Variants in KDM2B observed in about 807,000 individuals in gnomAD.
The protein encoded by KDM2B is lysine-specific demethylase 2B.
A neutral mutation model predicts 150.0 loss-of-function variants in KDM2B; 26 were observed. That is an observed-to-expected ratio of 0.17 (90% CI 0.13 to 0.24). The LOEUF (loss-of-function observed/expected upper bound fraction) is 0.24, where lower values mean the gene tolerates loss of function less well. Ranked by LOEUF, KDM2B falls within the 10% of genes least tolerant of loss-of-function variation. The pLI, the probability that KDM2B is intolerant of heterozygous loss-of-function variation, is 1.00. For missense variants in KDM2B, 1,265 were observed against 1,816.9 expected (o/e 0.70, Z 5.52); for synonymous variants, 734 against 729.5 (o/e 1.01, Z -0.10).
At chr12:121,466,308 A>T (rs1479672137) in intron 12 of KDM2B, among the ~76,000 whole-genome samples, 7 of 152,036 alleles carry the variant, frequency 4.6e-5, no homozygotes, top group African/African-American at 1.7e-4. Context: ...TCCTGTTCCA[A>T]GTATTATTTT....
intron 11 of KDM2B, among the ~76,000 whole-genome samples, chr12:121,499,828 T>C (rs1397310044): frequency 1.3e-5 from 2 of 151,956 alleles, no homozygotes; most frequent in Non-Finnish European, 2.9e-5. Flanking sequence ...CACGCGTCTG[T>C]GGTCTTAGCT....
chr12:121,434,729 G>A (rs1038386681), intron 22 of KDM2B, among the ~76,000 whole-genome samples: 2 of 152,042 alleles, frequency 1.3e-5, no homozygotes, highest in South Asian at 4.1e-4. Flanking sequence ...AAGCCAAGGC[G>A]GGTGGATCAC....
chr12:121,560,805 G>A (rs193171255), intron 4 of KDM2B, among the ~76,000 whole-genome samples: 199 of 152,268 alleles, frequency 1.3e-3, no homozygotes, highest in Middle Eastern at 6.8e-3. Context: ...CCGGGGAGGA[G>A]GCAGGTAGCC....
chr12:121,443,629 C>A lies in KDM2B; in HGVS notation c.2565+51G>T, dbSNP rs1555289191. On this transcript the variant is annotated intron_variant, in intron 17 of 22. Transcript: ENST00000377071. ...CAGCGGGGTGGGGTGGGGGACAGCC[C>A]AGGACTCGCCAGTCCCCGGGGCCTC... The A allele has an allele frequency of 5.4e-6, 6 of 1,103,802 alleles. No homozygotes were observed. In the South Asian group the frequency reaches 7.4e-5, roughly 14 times the overall value. 68.4% of individuals were successfully genotyped at this position (1,103,802 alleles called of 1,614,324 possible).
intron 8 of KDM2B, among the ~76,000 whole-genome samples, chr12:121,526,774 G>A (rs187065710): frequency 1.0e-3 from 157 of 152,216 alleles, no homozygotes; most frequent in South Asian, 2.1e-3. Flanking sequence ...GCTCACACCT[G>A]TAATCCCAGC....
At chr12:121,541,476 T>A in intron 6 of KDM2B, among the ~76,000 whole-genome samples, 1 of 148,638 alleles carries the variant, frequency 6.7e-6, no homozygotes, top group Admixed American at 6.7e-5. Context: ...ATTTTATTTA[T>A]CAAGCAGAAT....
At chr12:121,478,776 T>G (rs1369439855) in intron 12 of KDM2B, among the ~76,000 whole-genome samples, 3 of 151,736 alleles carry the variant, frequency 2.0e-5, no homozygotes, top group Non-Finnish European at 4.4e-5. Flanking sequence ...CAATCTCCGT[T>G]GCCCAGGCTC....
downstream of KDM2B, among the ~76,000 whole-genome samples, chr12:121,427,224 C>T (rs1555284375): frequency 6.6e-6 from 1 of 152,100 alleles, no homozygotes; most frequent in African/African-American, 2.4e-5. Flanking sequence ...CCTCGGCTGG[C>T]CTCATCTTTG....
intron 6 of KDM2B, among the ~76,000 whole-genome samples, chr12:121,539,429 A>G (rs763782766): frequency 5.3e-5 from 8 of 151,816 alleles, no homozygotes; most frequent in Non-Finnish European, 1.0e-4. Context: ...CTATCCACAT[A>G]AGAGAATTGT....
Position 121,429,999 on chromosome 12 carries a change from A to G in KDM2B, c.*289T>C. On this transcript the variant is annotated 3_prime_UTR_variant, in exon 23 of 23. Coordinates refer to ENST00000377071, the MANE Select transcript of KDM2B (RefSeq NM_032590.5). ...CCTAAGCTCATGCTTCAGTATGAGA[A>G]TTTCTCCGAAGTCCACCCTCCTCTC... 3.3e-6 allele frequency: 3 copies of G among 904,450 alleles called. No homozygotes were observed. Among genetic ancestry groups the G allele is most frequent in the Non-Finnish European group, 5.5e-6 (3 of 541,094 alleles). The allele number at this position is 904,450 out of a possible 1,614,324, so 56.0% of individuals were successfully genotyped here.
intron 12 of KDM2B, among the ~76,000 whole-genome samples, chr12:121,465,454 G>A (rs1255031073): frequency 6.6e-6 from 1 of 152,092 alleles, no homozygotes; most frequent in African/African-American, 2.4e-5. Flanking sequence ...GGCTGGTCTC[G>A]AACTCCTGAG....
At chr12:121,441,033 C>T (rs373260303) in intron 20 of KDM2B, 37 bp downstream of exon 20, 1 of 1,612,800 alleles carries the variant, frequency 6.2e-7, no homozygotes, top group African/African-American at 1.3e-5. Flanking sequence ...GCCCTCACTG[C>T]AGCAGACACA....
At chr12:121,543,753 G>A (rs1888789665) in intron 6 of KDM2B, among the ~76,000 whole-genome samples, 1 of 152,102 alleles carries the variant, frequency 6.6e-6, no homozygotes, top group South Asian at 2.1e-4. Flanking sequence ...GGGAGTCAGA[G>A]GTTGCAGTGA....
At chr12:121,447,183 C>T (rs976865151) in intron 13 of KDM2B, among the ~76,000 whole-genome samples, 7 of 152,078 alleles carry the variant, frequency 4.6e-5, no homozygotes, top group African/African-American at 1.4e-4. Context: ...CCTCATACTC[C>T]CTCCAAAACA....
At chr12:121,581,123 A>AG (rs1891942180), upstream of KDM2B, 12 of 544,452 alleles carry the variant, frequency 2.2e-5, no homozygotes. Flanking sequence ...CTCCTTTACT[A>AG]GGCGACCAGC....
chr12:121,550,309 CAAAA>C (rs782618970), intron 4 of KDM2B, among the ~76,000 whole-genome samples: 2 of 107,084 alleles, frequency 1.9e-5, no homozygotes, highest in Admixed American at 9.9e-5. Flanking sequence ...GACTTTGTCT[CAAAA>C]AAAAAAAAAA....
At chr12:121,579,626 T>A (rs1555317531) in intron 1 of KDM2B, 7 of 1,319,920 alleles carry the variant, frequency 5.3e-6, no homozygotes, top group Non-Finnish European at 6.9e-6. Context: ...AGCTGCCTCA[T>A]CTCCCCACAA....
At chr12:121,551,725 G>A (rs1395993640) in intron 4 of KDM2B, among the ~76,000 whole-genome samples, 5 of 151,914 alleles carry the variant, frequency 3.3e-5, no homozygotes, top group African/African-American at 1.2e-4. Flanking sequence ...GCTCTTTTTC[G>A]TATTTTTAGT....
chr12:121,556,940 A>C (rs1456185465), intron 4 of KDM2B, among the ~76,000 whole-genome samples: 1 of 152,102 alleles, frequency 6.6e-6, no homozygotes, highest in African/African-American at 2.4e-5. Flanking sequence ...ATGTAATTTT[A>C]AAAAGAAAAA....
Sources: allele counts gnomAD v4.1 joint callset (sites outside exome capture counted in the v4.1 genomes callset), GRCh38; gene constraint gnomAD v4.1.1; transcripts MANE v1.5; gene names NCBI Gene and HGNC (gene_info 2026-07-23, HGNC 2026-07-21).